NUP50: variants seen among roughly 807,000 people sequenced by gnomAD.
NUP50 encodes nucleoporin 50, also known as nuclear pore complex protein Nup50.
A neutral mutation model predicts 36.8 loss-of-function variants in NUP50; 14 were observed. The ratio of observed to expected loss-of-function variants is 0.38; its 90% CI spans 0.25 to 0.59. The LOEUF (loss-of-function observed/expected upper bound fraction) is 0.59, where lower values mean the gene tolerates loss of function less well. Ranked by LOEUF, NUP50 falls within the 20% of genes least tolerant of loss-of-function variation. NUP50 has a pLI of 0.63. For synonymous variants in NUP50, 195 were observed against 210.8 expected, an observed-to-expected ratio of 0.93 and a Z score of 0.65; for missense variants, 455 against 564.6, an observed-to-expected ratio of 0.81 and a Z score of 1.97.
chr22:45,179,815 T>G lies in NUP50; in HGVS notation c.1003+915T>G, dbSNP rs372875646. 2.5e-4 allele frequency among the ~76,000 whole-genome samples: 38 copies of G among 152,160 alleles called. No individual in the cohort carries two copies. In the South Asian group the frequency reaches 7.9e-3, roughly 32 times the overall value. Reference sequence around the variant, plus strand: ...GTGGGAGTATCTCGAGCTCAGAAGTTCAAGGTTGCCATGAGCCGTGGTTGC... The same window carrying G: ...GTGGGAGTATCTCGAGCTCAGAAGTGCAAGGTTGCCATGAGCCGTGGTTGC... On this transcript the variant is annotated intron_variant, in intron 5 of 7. Coordinates refer to ENST00000347635, the MANE Select transcript of NUP50 (RefSeq NM_007172.4).
intron 4 of NUP50, 31 bp downstream of exon 4, chr22:45,176,111 GTAAGTATCATC>G (rs1569050138): frequency 6.2e-7 from 1 of 1,604,172 alleles, no homozygotes. Context: ...AGCCGCCTGT[GTAAGTATCATC>G]TATGGAAAAT....
At chr22:45,183,157 A>C (rs1199646948) in intron 6 of NUP50, among the ~76,000 whole-genome samples, 1 of 151,620 alleles carries the variant, frequency 6.6e-6, no homozygotes, top group Non-Finnish European at 1.5e-5. Flanking sequence ...AAAGTGTTAT[A>C]AAAAGTTTCA....
At chr22:45,181,213 C>G in intron 5 of NUP50, 73 bp from the exon 6 acceptor site, 1 of 852,920 alleles carries the variant, frequency 1.2e-6, no homozygotes, top group Non-Finnish European at 1.7e-6. Flanking sequence ...TAGGGTGTTA[C>G]GTAACAAAAC....
At position 45,175,886 on chromosome 22, in the gene NUP50, T is replaced by C. The variant is rs1423109817; in HGVS notation, c.154-8T>C. The C allele has an allele frequency of 6.2e-7, 1 of 1,613,944 alleles. No homozygotes were observed. Among genetic ancestry groups the C allele is most frequent in the Admixed American group, 1.7e-5 (1 of 59,978 alleles). On this transcript the variant is annotated splice_region_variant and splice_polypyrimidine_tract_variant and intron_variant, in intron 3 of 7. Transcript: ENST00000347635. ...TTACCTAATGTGTGCTCCTCCTTCA[T>C]ACTTCAGTCTGACACTGGAGGAGCC...
chr22:45,187,452 G>T lies in NUP50; in HGVS notation c.*2797G>T, dbSNP rs1250406250. On this transcript the variant is annotated 3_prime_UTR_variant, in exon 8 of 8. Coordinates refer to ENST00000347635, the MANE Select transcript of NUP50 (RefSeq NM_007172.4). ...AAAAAAGAGAAAACTGCCTTTTCTG[G>T]TGTGGAGGGGAAGAAAAACTAATAT... 6.6e-6 allele frequency: 1 copy of T among 151,096 alleles called. No homozygotes were observed. Among genetic ancestry groups the T allele is most frequent in the Non-Finnish European group, 1.5e-5 (1 of 67,852 alleles). The allele number at this position is 151,096 out of a possible 1,614,324, so 9.4% of individuals were successfully genotyped here.
chr22:45,179,997 C>A (rs1164993214), intron 5 of NUP50, among the ~76,000 whole-genome samples: 2 of 152,236 alleles, frequency 1.3e-5, no homozygotes, highest in Non-Finnish European at 2.9e-5. Flanking sequence ...TCTAGACTTC[C>A]ATTACTGTTT....
Position 45,184,616 on chromosome 22 carries a change from C to G in NUP50, c.1368C>G (p.Asp456Glu), listed in dbSNP as rs61738579. ...GGGTAAAAACCAGCGAGGATGCAGA[C>G]GAGTTGCACAAAATTTTACTGGAGA... ...LIRVKTSEDA[D>E]ELHKILLEKK... The change falls in exon 8 of 8, where the codon GAC becomes GAG. Residue 456 changes from aspartate to glutamate, a missense_variant. Asp to Glu is a conservative substitution (Grantham distance 45, BLOSUM62 2). Transcript: ENST00000347635. 118 of 1,612,966 alleles carry G rather than the reference C, an allele frequency of 7.3e-5. No homozygotes were observed. The highest frequency in any genetic ancestry group is 9.8e-5 in the Non-Finnish European group (116 of 1,179,264).
At chr22:45,174,646 A>T (rs1253918819) in intron 3 of NUP50, among the ~76,000 whole-genome samples, 1 of 151,552 alleles carries the variant, frequency 6.6e-6, no homozygotes, top group African/African-American at 2.4e-5. Flanking sequence ...GAGGCTCTGA[A>T]AAGCCACTTA....
chr22:45,178,363 T>C lies in NUP50; in HGVS notation c.466T>C (p.Tyr156His). ...CAGTAAAGCTTGTGTCGGAAATGCC[T>C]ATCACAAGCAGTTGGCCGCCTTGAA... Reference protein sequence around the residue: ...ASSKACVGNAYHKQLAALNCS... With the variant: ...ASSKACVGNAHHKQLAALNCS... Residue 156 changes from tyrosine to histidine, a missense_variant, in exon 5 of 8, where the codon TAT (tyrosine) becomes CAT (histidine). Tyr to His is a moderately conservative substitution (Grantham distance 83). Transcript: ENST00000347635. The C allele has an allele frequency of 6.2e-7, 1 of 1,613,958 alleles. No individual in the cohort carries two copies. Among genetic ancestry groups the C allele is most frequent in the Non-Finnish European group, 8.5e-7 (1 of 1,179,832 alleles).
At chr22:45,167,359 T>TA (rs2074110523) in intron 1 of NUP50, among the ~76,000 whole-genome samples, 1 of 152,296 alleles carries the variant, frequency 6.6e-6, no homozygotes, top group South Asian at 2.1e-4. Flanking sequence ...GTTTTGTTGT[T>TA]ATGATATTAA....
chr22:45,180,210 G>A (rs2074344955), intron 5 of NUP50: 1 of 152,192 alleles, frequency 6.6e-6, no homozygotes, highest in African/African-American at 2.4e-5. Context: ...TTGTCCCTTG[G>A]TTATCACAGT....
Position 45,185,524 on chromosome 22 carries a change from C to T in NUP50, c.*869C>T, listed in dbSNP as rs1463613121. On this transcript the variant is annotated 3_prime_UTR_variant, in exon 8 of 8. Transcript: ENST00000347635. ...GCATAGGCATTTGTACCATGATCAA[C>T]CCCACGCACATGAAAACTGTGACCA... 2 of 151,964 alleles carry T rather than the reference C, an allele frequency of 1.3e-5. No individual in the cohort carries two copies. The highest frequency in any genetic ancestry group is 2.9e-5 in the Non-Finnish European group (2 of 67,998). The allele number at this position is 151,964 out of a possible 1,614,324, so 9.4% of individuals were successfully genotyped here.
chr22:45,182,191 A>C (rs1300856700), intron 6 of NUP50, among the ~76,000 whole-genome samples: 2 of 152,016 alleles, frequency 1.3e-5, no homozygotes, highest in Non-Finnish European at 2.9e-5. Flanking sequence ...CTGTAATCCC[A>C]GCACTTTGGG....
At chr22:45,182,940 TAAGA>T (rs774462024) in intron 6 of NUP50, among the ~76,000 whole-genome samples, 38 of 150,482 alleles carry the variant, frequency 2.5e-4, no homozygotes, top group Non-Finnish European at 4.4e-4. Flanking sequence ...ATTTTTAAAA[TAAGA>T]AATAGGCCAC....
chr22:45,185,465 G>A lies in NUP50; in HGVS notation c.*810G>A, dbSNP rs1032583952. ...CATGGAGAGTGAACCCTTACGAAAT[G>A]AAAGTCAAATGAGACCATCCGAGAA... On this transcript the variant is annotated 3_prime_UTR_variant, in exon 8 of 8. Transcript: ENST00000347635. The A allele has an allele frequency of 6.6e-6, 1 of 152,220 alleles. No individual in the cohort carries two copies. The highest frequency in any genetic ancestry group is 2.4e-5 in the African/African-American group (1 of 41,406). The allele number at this position is 152,220 out of a possible 1,614,324, so 9.4% of individuals were successfully genotyped here. A position where few individuals can be genotyped will look rare whatever the true frequency, so the allele number is the denominator to read the frequency against.
chr22:45,182,913 G>A (rs1467935095), intron 6 of NUP50, among the ~76,000 whole-genome samples: 6 of 151,694 alleles, frequency 4.0e-5, no homozygotes, highest in East Asian at 3.9e-4. Flanking sequence ...GTGAGCCACC[G>A]CACCTGGTCG....
In NUP50 at chr22:45,183,318, C is replaced by T. The variant is rs2074411703; in HGVS notation, c.1086-84C>T. ...ACTCATTTAATAGAGATTTTCCACA[C>T]AAGTGTGAAGAGTGGTTGTTAGAAA... On this transcript the variant is annotated intron_variant, in intron 6 of 7. Transcript: ENST00000347635. 4 of 775,638 alleles carry T rather than the reference C, an allele frequency of 5.2e-6. No individual in the cohort carries two copies. The South Asian group carries it at 6.4e-5, about 12-fold the overall frequency. 48.0% of individuals were successfully genotyped at this position (775,638 alleles called of 1,614,324 possible). A position where few individuals can be genotyped will look rare whatever the true frequency, so the allele number is the denominator to read the frequency against.
intron 2 of NUP50, among the ~76,000 whole-genome samples, chr22:45,168,956 C>T (rs1046243575): frequency 2.9e-5 from 4 of 138,544 alleles, no homozygotes; most frequent in African/African-American, 5.5e-5. Flanking sequence ...GGCTGGAGTG[C>T]GGTGGCACAA....
chr22:45,180,644 C>T (rs1027119442), intron 5 of NUP50, among the ~76,000 whole-genome samples: 3 of 152,170 alleles, frequency 2.0e-5, no homozygotes, highest in Non-Finnish European at 4.4e-5. Context: ...CTGCAGCGTG[C>T]TGGGATTACA....
Sources: allele counts gnomAD v4.1 joint callset (sites outside exome capture counted in the v4.1 genomes callset), GRCh38; gene constraint gnomAD v4.1.1; transcripts MANE v1.5; gene names NCBI Gene and HGNC (gene_info 2026-07-23, HGNC 2026-07-21).